Variants in RBFOX1 observed in about 807,000 individuals in gnomAD.
RBFOX1 encodes the protein RNA binding protein fox-1 homolog 1.
Under a neutral mutation model 57.7 loss-of-function variants are expected in RBFOX1, and 8 were observed. That is an observed-to-expected ratio of 0.14 (90% CI 0.08 to 0.25). The LOEUF is 0.25. Ranked by LOEUF, RBFOX1 falls within the 10% of genes least tolerant of loss-of-function variation. The pLI is 1.00. For missense variants in RBFOX1, 611 were observed against 548.5 expected, an observed-to-expected ratio of 1.11 and a Z score of -1.14; for synonymous variants, 326 against 222.4, an observed-to-expected ratio of 1.47 and a Z score of -4.15.
intron 1 of RBFOX1, among the ~76,000 whole-genome samples, chr16:6,104,738 A>G (rs1005358572): frequency 2.6e-5 from 4 of 152,224 alleles, no homozygotes; most frequent in African/African-American, 9.6e-5. Context: ...AAACAAAGAG[A>G]TAAAACAAAA....
rs1035443180 is a variant in RBFOX1, at chr16:7,712,289, T to C, written c.*1544T>C. On this transcript the variant is annotated 3_prime_UTR_variant, in exon 16 of 16. Coordinates refer to ENST00000550418, the MANE Select transcript of RBFOX1 (RefSeq NM_018723.4). ...CTGCCATAGGTTAAGTCCTCATGTGTACAGTGCAGGCCCTGTGGCCCGCAC... is the reference window on the plus strand; with the variant it reads ...CTGCCATAGGTTAAGTCCTCATGTGCACAGTGCAGGCCCTGTGGCCCGCAC... 6.6e-6 allele frequency: 1 copy of C among 152,622 alleles called. No homozygotes were observed. The highest frequency in any genetic ancestry group is 6.5e-5 in the Admixed American group (1 of 15,280). 9.5% of individuals were successfully genotyped at this position (152,622 alleles called of 1,614,324 possible). A position where few individuals can be genotyped will look rare whatever the true frequency, so the allele number is the denominator to read the frequency against.
At chr16:5,493,758 T>G (rs1213295085) in intron 2 of RBFOX1, among the ~76,000 whole-genome samples, 3 of 152,206 alleles carry the variant, frequency 2.0e-5, no homozygotes, top group African/African-American at 7.2e-5. Context: ...GAAAACTTTG[T>G]CTTCACTTCC....
chr16:6,977,788 C>G (rs920619772), intron 3 of RBFOX1, among the ~76,000 whole-genome samples: 2 of 152,044 alleles, frequency 1.3e-5, no homozygotes, highest in South Asian at 2.1e-4. Context: ...GTCATCTTAT[C>G]CCGTAGTCAG....
intron 3 of RBFOX1, among the ~76,000 whole-genome samples, chr16:6,887,076 T>C (rs2064228070): frequency 6.6e-6 from 1 of 152,218 alleles, no homozygotes; most frequent in South Asian, 2.1e-4. Context: ...AGTTGGATTT[T>C]CCCTGCAGCT....
intron 2 of RBFOX1, among the ~76,000 whole-genome samples, chr16:6,487,660 G>A (rs2095515148): frequency 8.7e-6 from 1 of 115,338 alleles, no homozygotes; most frequent in Non-Finnish European, 1.7e-5. Flanking sequence ...TCCAAAGATG[G>A]CAGTGATATA....
At chr16:5,240,700 G>A (rs968516316) in intron 1 of RBFOX1, among the ~76,000 whole-genome samples, 15 of 152,356 alleles carry the variant, frequency 9.8e-5, no homozygotes, top group Middle Eastern at 3.4e-3. Context: ...GAGGGACAGA[G>A]AGGCAAAGTT....
chr16:7,619,033 A>C (rs2058899629), intron 10 of RBFOX1, among the ~76,000 whole-genome samples: 1 of 152,248 alleles, frequency 6.6e-6, no homozygotes. Context: ...GTATACCATT[A>C]TGGAAACTAA....
In RBFOX1 at chr16:5,475,002, T is replaced by C. The variant is rs79516474; in HGVS notation, c.258+7748T>C. 7.8e-3 allele frequency among the ~76,000 whole-genome samples: 1,195 copies of C among 152,310 alleles called. 15 individuals carry two copies. Among genetic ancestry groups the C allele is most frequent in the East Asian group, 0.047 (242 of 5,178 alleles). ...CCAGCATTATTCTCCATTCTTTCTT[T>C]GGTTCCGATGGGTAGGCCTGGGCAT... On this transcript the variant is annotated intron_variant, in intron 2 of 2. Transcript: ENST00000585867.
intron 3 of RBFOX1, among the ~76,000 whole-genome samples, chr16:5,629,216 T>G (rs2048431703): frequency 6.6e-6 from 1 of 152,302 alleles, no homozygotes; most frequent in South Asian, 2.1e-4. Context: ...AAAGCAGAAG[T>G]GATTCTAGAA....
intron 4 of RBFOX1, among the ~76,000 whole-genome samples, chr16:7,496,653 A>G (rs912131792): frequency 6.7e-6 from 1 of 149,344 alleles, no homozygotes; most frequent in African/African-American, 2.5e-5. Flanking sequence ...GTTTACTTGA[A>G]TGTATTTACA....
chr16:5,597,799 G>T (rs1468141419), intron 2 of RBFOX1, among the ~76,000 whole-genome samples: 2 of 152,152 alleles, frequency 1.3e-5, no homozygotes, highest in African/African-American at 4.8e-5. Flanking sequence ...AAGGCTTTGG[G>T]AATACTACGA....
intron 3 of RBFOX1, among the ~76,000 whole-genome samples, chr16:6,748,730 G>A (rs2074309047): frequency 6.6e-6 from 1 of 152,132 alleles, no homozygotes; most frequent in East Asian, 1.9e-4. Flanking sequence ...GAAGTTATTT[G>A]GAGTATATAG....
chr16:7,371,015 G>C (rs1221776972), intron 4 of RBFOX1, among the ~76,000 whole-genome samples: 1 of 152,170 alleles, frequency 6.6e-6, no homozygotes, highest in Admixed American at 6.5e-5. Flanking sequence ...TTATTGGGAT[G>C]GATGTGTCTG....
intron 1 of RBFOX1, chr16:5,270,446 C>A: frequency 3.5e-6 from 3 of 852,490 alleles, no homozygotes; most frequent in Non-Finnish European, 6.0e-6. Context: ...TGAAGATGTT[C>A]AGGGCAGAAA....
intron 1 of RBFOX1, among the ~76,000 whole-genome samples, chr16:6,148,031 C>G (rs2096771496): frequency 6.6e-6 from 1 of 152,220 alleles, no homozygotes; most frequent in South Asian, 2.1e-4. Context: ...AGGCTGGTTT[C>G]TAAACTGGCA....
At chr16:7,134,681 G>T (rs754762185) in intron 4 of RBFOX1, among the ~76,000 whole-genome samples, 1 of 152,152 alleles carries the variant, frequency 6.6e-6, no homozygotes, top group Admixed American at 6.5e-5. Context: ...ATCAACAGAG[G>T]CTACTTAGAA....
At chr16:5,289,861 C>T (rs943487019) in intron 1 of RBFOX1, among the ~76,000 whole-genome samples, 2 of 152,222 alleles carry the variant, frequency 1.3e-5, no homozygotes, top group Non-Finnish European at 2.9e-5. Context: ...TATGACCCAG[C>T]ACTTCTACTC....
At chr16:5,549,101 C>A (rs1230376701) in intron 2 of RBFOX1, among the ~76,000 whole-genome samples, 2 of 152,176 alleles carry the variant, frequency 1.3e-5, no homozygotes, top group African/African-American at 4.8e-5. Flanking sequence ...CCCCAGCTTC[C>A]AAAGATGACC....
intron 4 of RBFOX1, among the ~76,000 whole-genome samples, chr16:7,183,635 G>A (rs1038321375): frequency 3.3e-5 from 5 of 152,068 alleles, no homozygotes; most frequent in East Asian, 1.9e-4. Flanking sequence ...TTAGGGTCCC[G>A]AAGCAGGAAC....
Sources: gnomAD v4.1 joint callset for allele counts (sites outside exome capture counted in the v4.1 genomes callset) on GRCh38, gnomAD v4.1.1 for gene constraint, MANE v1.5 for transcripts, NCBI Gene and HGNC (gene_info 2026-07-23, HGNC 2026-07-21) for gene names.